The following MDGA2 variants were observed in gnomAD, a reference collection of about 807,000 sequenced individuals.
MDGA2 encodes the protein MAM domain-containing glycosylphosphatidylinositol anchor protein 2.
A neutral mutation model predicts 117.8 loss-of-function variants in MDGA2; 40 were observed. That is an observed-to-expected ratio of 0.34 (90% confidence interval 0.26 to 0.44). The LOEUF is 0.44. Ranked by LOEUF, MDGA2 falls within the 20% of genes least tolerant of loss-of-function variation. The pLI, the probability that MDGA2 is intolerant of heterozygous loss-of-function variation, is 1.00. For missense variants in MDGA2, 1,123 were observed against 1,250.6 expected, an observed-to-expected ratio of 0.90 and a Z score of 1.54; for synonymous variants, 452 against 439.0, an observed-to-expected ratio of 1.03 and a Z score of -0.37.
chr14:47,605,016 G>A (rs1368605265), intron 1 of MDGA2, among the ~76,000 whole-genome samples: 1 of 151,856 alleles, frequency 6.6e-6, no homozygotes, highest in African/African-American at 2.4e-5. Flanking sequence ...TGGGGGGGGT[G>A]TATGCTGTGA....
intron 7 of MDGA2, among the ~76,000 whole-genome samples, chr14:47,035,619 T>C (rs1415078163): frequency 1.3e-5 from 2 of 152,272 alleles, no homozygotes; most frequent in African/African-American, 4.8e-5. Context: ...AACATTTGCA[T>C]TTCATAGAAG....
At chr14:47,293,871 G>T (rs1277539628) in intron 2 of MDGA2, among the ~76,000 whole-genome samples, 1 of 152,098 alleles carries the variant, frequency 6.6e-6, no homozygotes, top group African/African-American at 2.4e-5. Flanking sequence ...CAATTTAGGA[G>T]TATGTTAAAG....
In MDGA2 at chr14:47,081,209, TA is replaced by T. The variant is rs1026648108; in HGVS notation, c.1195+15644del. Among the ~76,000 whole-genome samples, 673 of 151,092 alleles carry T rather than the reference TA, an allele frequency of 4.5e-3. 3 individuals carry two copies. Among genetic ancestry groups the T allele is most frequent in the African/African-American group, 0.015 (631 of 41,318 alleles). Reference sequence around the variant, plus strand: ...TACTCATAAACAACTCTTTCTCAATTAAAAAAAAAGTTGTAGCTCTTAAATG... The same window carrying T: ...TACTCATAAACAACTCTTTCTCAATTAAAAAAAAGTTGTAGCTCTTAAATG... On this transcript the variant is annotated intron_variant, in intron 6 of 16. Transcript: ENST00000399232.
chr14:46,858,900 C>T (rs1213361170), intron 14 of MDGA2, among the ~76,000 whole-genome samples: 2 of 152,118 alleles, frequency 1.3e-5, no homozygotes, highest in African/African-American at 4.8e-5. Flanking sequence ...ATTATAGAGA[C>T]TCTTCAGCTG....
intron 3 of MDGA2, chr14:47,200,889 C>G (rs1885479030): frequency 3.5e-6 from 3 of 862,610 alleles, no homozygotes; most frequent in Non-Finnish European, 6.0e-6. Context: ...TTAAGGCAGT[C>G]CAGAGCGGCC....
intron 3 of MDGA2, among the ~76,000 whole-genome samples, chr14:47,185,690 G>T (rs1306893725): frequency 6.6e-6 from 1 of 151,428 alleles, no homozygotes; most frequent in Non-Finnish European, 1.5e-5. Flanking sequence ...CCATAAAACT[G>T]GTTAACACCA....
At chr14:46,952,917 G>T (rs113687602) in intron 9 of MDGA2, among the ~76,000 whole-genome samples, 107 of 151,900 alleles carry the variant, frequency 7.0e-4, no homozygotes, top group African/African-American at 2.4e-3. Flanking sequence ...CATCCTATAG[G>T]CAATGAACAG....
intron 1 of MDGA2, among the ~76,000 whole-genome samples, chr14:47,376,384 T>C (rs186049458): frequency 6.6e-6 from 1 of 152,282 alleles, no homozygotes; most frequent in African/African-American, 2.4e-5. Flanking sequence ...CCAATATATC[T>C]AACAAAAAGA....
intron 1 of MDGA2, among the ~76,000 whole-genome samples, chr14:47,498,654 T>C (rs1894333066): frequency 6.6e-6 from 1 of 152,150 alleles, no homozygotes; most frequent in South Asian, 2.1e-4. Context: ...AATAATGGCA[T>C]TACTTAAATT....
intron 1 of MDGA2, among the ~76,000 whole-genome samples, chr14:47,514,001 A>G (rs1594894685): frequency 6.6e-6 from 1 of 152,284 alleles, no homozygotes; most frequent in Non-Finnish European, 1.5e-5. Flanking sequence ...CTAAAACATT[A>G]TGTAGAATGT....
chr14:47,611,766 A>G (rs1436182233), intron 1 of MDGA2, among the ~76,000 whole-genome samples: 1 of 152,220 alleles, frequency 6.6e-6, no homozygotes, highest in East Asian at 1.9e-4. Flanking sequence ...TTGGAAAGCC[A>G]CATGCCAAAC....
At chr14:46,918,692 G>A (rs1294578174) in intron 10 of MDGA2, among the ~76,000 whole-genome samples, 1 of 150,900 alleles carries the variant, frequency 6.6e-6, no homozygotes, top group Admixed American at 6.6e-5. Flanking sequence ...GTTTTCACTA[G>A]GAAAAGCTCT....
intron 1 of MDGA2, among the ~76,000 whole-genome samples, chr14:47,323,576 G>A (rs1230147353): frequency 3.3e-5 from 5 of 151,888 alleles, no homozygotes; most frequent in Non-Finnish European, 7.4e-5. Flanking sequence ...AGGTTACAGT[G>A]TGCCAAGGTC....
intron 1 of MDGA2, among the ~76,000 whole-genome samples, chr14:47,468,135 T>A (rs563030270): frequency 1.4e-4 from 21 of 152,206 alleles, no homozygotes; most frequent in Non-Finnish European, 2.8e-4. Context: ...AGTGTTGCAA[T>A]CCTCTAACAA....
chr14:47,093,244 C>T (rs1013326087), intron 6 of MDGA2, among the ~76,000 whole-genome samples: 4 of 152,024 alleles, frequency 2.6e-5, no homozygotes, highest in Non-Finnish European at 5.9e-5. Context: ...TTGGACCATG[C>T]ATCCAAAACA....
At chr14:47,324,231 T>A (rs1436156338) in intron 1 of MDGA2, among the ~76,000 whole-genome samples, 2 of 151,742 alleles carry the variant, frequency 1.3e-5, no homozygotes, top group Non-Finnish European at 2.9e-5. Context: ...GGTGACAGAG[T>A]GAGACTCCAT....
intron 8 of MDGA2, among the ~76,000 whole-genome samples, chr14:46,989,602 T>C (rs1887005657): frequency 1.3e-5 from 2 of 152,104 alleles, no homozygotes; most frequent in African/African-American, 4.8e-5. Context: ...TACTGAGTAA[T>C]TTGCCAGTGG....
chr14:47,322,136 T>C (rs1305222196), intron 1 of MDGA2, among the ~76,000 whole-genome samples: 1 of 152,090 alleles, frequency 6.6e-6, no homozygotes, highest in Non-Finnish European at 1.5e-5. Context: ...GTTAACAGTG[T>C]TATATTTGGA....
intron 2 of MDGA2, among the ~76,000 whole-genome samples, chr14:47,292,660 C>T (rs1382285262): frequency 1.3e-5 from 2 of 152,092 alleles, no homozygotes; most frequent in Non-Finnish European, 2.9e-5. Flanking sequence ...AGGGATATTG[C>T]TAGGTCTTTC....
Sources: gnomAD v4.1 joint callset for allele counts (sites outside exome capture counted in the v4.1 genomes callset) on GRCh38, gnomAD v4.1.1 for gene constraint, MANE v1.5 for transcripts, NCBI Gene and HGNC (gene_info 2026-07-23, HGNC 2026-07-21) for gene names.